Variants in LRRC75A observed in about 807,000 individuals in gnomAD.
The protein encoded by LRRC75A is leucine-rich repeat-containing protein 75A.
A neutral mutation model predicts 26.0 loss-of-function variants in LRRC75A; 12 were observed. That is an observed-to-expected ratio of 0.46 (90% CI 0.30 to 0.75). The LOEUF (loss-of-function observed/expected upper bound fraction) is 0.75. Ranked by LOEUF, LRRC75A falls within the 30% of genes least tolerant of loss-of-function variation. LRRC75A has a pLI of 0.08. For synonymous variants in LRRC75A, 223 were observed against 219.3 expected (o/e 1.02, Z -0.15); for missense variants, 410 against 486.6 (o/e 0.84, Z 1.48).
intron 3 of LRRC75A, among the ~76,000 whole-genome samples, chr17:16,444,459 G>A (rs1035643213): frequency 1.1e-4 from 17 of 152,158 alleles, no homozygotes; most frequent in African/African-American, 3.9e-4. Flanking sequence ...TATAGTAGGC[G>A]AGTGAGGAAT....
intron 2 of LRRC75A, 74 bp from the exon 3 acceptor site, chr17:16,448,034 T>C (rs1422737803): frequency 7.3e-7 from 1 of 1,365,196 alleles, no homozygotes; most frequent in South Asian, 1.2e-5. Flanking sequence ...GCTTCCTGTC[T>C]CCCGGGTAAG....
chr17:16,450,266 G>C (rs80048615), intron 2 of LRRC75A, among the ~76,000 whole-genome samples: 1,527 of 152,332 alleles, frequency 0.01, 29 homozygotes, highest in African/African-American at 0.035. Context: ...GGCAAGAGAA[G>C]GAGACTCTGA....
In LRRC75A at chr17:16,462,776, ATATT is replaced by A. The variant is rs1395145334; in HGVS notation, c.247-394_247-391del. ...TGCCTTGTGACAGGATGGTTTAATGATATTTATTTGTGTTTTCTTCCTGCTTCTG... is the reference window on the plus strand; with the variant it reads ...TGCCTTGTGACAGGATGGTTTAATGATATTTGTGTTTTCTTCCTGCTTCTG... On this transcript the variant is annotated intron_variant, in intron 1 of 3. Coordinates refer to ENST00000470794, the MANE Select transcript of LRRC75A (RefSeq NM_001113567.3). The surrounding 1 kb of genome is among the most constrained non-coding windows in gnomAD (Gnocchi z 4.6). 1 of 194,380 alleles carries A rather than the reference ATATT, an allele frequency of 5.1e-6. No homozygotes were observed. Among genetic ancestry groups the A allele is most frequent in the Admixed American group, 5.4e-5 (1 of 18,498 alleles). 12.0% of individuals were successfully genotyped at this position (194,380 alleles called of 1,614,324 possible).
rs551037453 is a variant in LRRC75A, at chr17:16,477,008, G to A, written c.247-14622C>T. Among the ~76,000 whole-genome samples, 15 of 152,126 alleles carry A rather than the reference G, an allele frequency of 9.9e-5. No homozygotes were observed. In the East Asian group the frequency reaches 1.7e-3, roughly 18 times the overall value. ...CCGCCTTGGCCTCCCAAAGTGCTGG[G>A]ATTACAGGCGTGAGCCACTGCGCCC... On this transcript the variant is annotated intron_variant, in intron 1 of 3. Transcript: ENST00000470794.
intron 1 of LRRC75A, among the ~76,000 whole-genome samples, chr17:16,486,381 C>T (rs957993528): frequency 3.9e-5 from 6 of 152,296 alleles, no homozygotes; most frequent in South Asian, 2.1e-4. Flanking sequence ...CCCCTGCGGT[C>T]GTGCTTAGCC....
chr17:16,491,942 CG>C lies in LRRC75A; in HGVS notation c.48del (p.Gly17AlafsTer75), dbSNP rs1478992934. On this transcript the variant is annotated frameshift_variant, in exon 1 of 4. Coordinates refer to ENST00000470794, the MANE Select transcript of LRRC75A (RefSeq NM_001113567.3). LOFTEE classifies it high-confidence loss of function. The surrounding 1 kb of genome is among the most constrained non-coding windows in gnomAD (Gnocchi z 5.9). ...TKGSLAERAS[P>X]GAAPGPRRER... is the part of the protein sequence containing the mutation. Reference sequence around the variant, plus strand: ...TCGCGTCGGGGGCCCGGCGCGGCGCCGGGGCTGGCTCTCTCCGCCAGGCTGC... The same window carrying C: ...TCGCGTCGGGGGCCCGGCGCGGCGCCGGGCTGGCTCTCTCCGCCAGGCTGC... 8.1e-7 allele frequency: 1 copy of C among 1,240,644 alleles called. No homozygotes were observed. The highest frequency in any genetic ancestry group is 1.0e-6 in the Non-Finnish European group (1 of 994,924). The allele number at this position is 1,240,644 out of a possible 1,614,324, so 76.9% of individuals were successfully genotyped here. A position where few individuals can be genotyped will look rare whatever the true frequency, so the allele number is the denominator to read the frequency against.
intron 2 of LRRC75A, among the ~76,000 whole-genome samples, chr17:16,455,222 C>T (rs570229374): frequency 1.3e-5 from 2 of 152,194 alleles, no homozygotes; most frequent in African/African-American, 2.4e-5. Flanking sequence ...TGTGAGCCAC[C>T]GTGCCTCACC....
At chr17:16,476,924 G>T (rs975663356) in intron 1 of LRRC75A, among the ~76,000 whole-genome samples, 2 of 151,798 alleles carry the variant, frequency 1.3e-5, no homozygotes, top group East Asian at 3.9e-4. Flanking sequence ...ATTTTTAGTA[G>T]AGACGGGGTT....
At chr17:16,479,462 G>A (rs774735768) in intron 1 of LRRC75A, among the ~76,000 whole-genome samples, 6 of 152,238 alleles carry the variant, frequency 3.9e-5, no homozygotes, top group Non-Finnish European at 8.8e-5. Context: ...GGCATGTACT[G>A]CACAAGGGTG....
Position 16,474,948 on chromosome 17 carries a change from G to T in LRRC75A, c.247-12562C>A, listed in dbSNP as rs117571397. Among the ~76,000 whole-genome samples, 218 of 149,960 alleles carry T rather than the reference G, an allele frequency of 1.5e-3. 5 individuals are homozygous for T. The East Asian group carries it at 0.022, about 15-fold the overall frequency. Reference sequence around the variant, plus strand: ...GCGGAGCTTGCAGTGAGCCAAGATTGTGCCACCGCTGCACTCCAGCCTGGG... The same window carrying T: ...GCGGAGCTTGCAGTGAGCCAAGATTTTGCCACCGCTGCACTCCAGCCTGGG... On this transcript the variant is annotated intron_variant, in intron 1 of 3. Transcript: ENST00000470794.
intron 1 of LRRC75A, among the ~76,000 whole-genome samples, chr17:16,476,923 A>T (rs2093821686): frequency 6.6e-6 from 1 of 151,810 alleles, no homozygotes; most frequent in Non-Finnish European, 1.5e-5. Context: ...TATTTTTAGT[A>T]GAGACGGGGT....
chr17:16,476,457 C>T (rs2093819912), intron 1 of LRRC75A, among the ~76,000 whole-genome samples: 1 of 152,038 alleles, frequency 6.6e-6, no homozygotes, highest in African/African-American at 2.4e-5. Context: ...AGCAATCCTC[C>T]CGCTGTGGCC....
intron 3 of LRRC75A, among the ~76,000 whole-genome samples, chr17:16,446,129 G>T (rs2093583103): frequency 6.6e-6 from 1 of 152,128 alleles, no homozygotes; most frequent in South Asian, 2.1e-4. Context: ...GGCTGGTCTT[G>T]AACTTCCTAC....
At chr17:16,468,344 G>A (rs559478789) in intron 1 of LRRC75A, among the ~76,000 whole-genome samples, 1 of 152,366 alleles carries the variant, frequency 6.6e-6, no homozygotes, top group Admixed American at 6.5e-5. Context: ...ACGGAGTGTG[G>A]TCTAGCCACG....
chr17:16,460,818 T>G (rs563752268), intron 2 of LRRC75A: 2 of 152,464 alleles, frequency 1.3e-5, no homozygotes, highest in South Asian at 4.1e-4. Context: ...CCATTGCTGC[T>G]CTAGGAAAGG....
chr17:16,487,905 A>G (rs540791980), intron 1 of LRRC75A, among the ~76,000 whole-genome samples: 1 of 152,326 alleles, frequency 6.6e-6, no homozygotes, highest in African/African-American at 2.4e-5. Flanking sequence ...GGTGTGCGCC[A>G]CACTTCGAGT....
intron 1 of LRRC75A, among the ~76,000 whole-genome samples, chr17:16,467,960 C>T (rs1281646974): frequency 6.6e-6 from 1 of 152,214 alleles, no homozygotes; most frequent in African/African-American, 2.4e-5. Flanking sequence ...CTCATTTCCA[C>T]CCTGAAAACC....
intron 1 of LRRC75A, among the ~76,000 whole-genome samples, chr17:16,485,946 G>A (rs1601205729): frequency 6.6e-6 from 1 of 152,172 alleles, no homozygotes; most frequent in South Asian, 2.1e-4. Context: ...CCACCCCACA[G>A]GTTACAGCGG....
At chr17:16,465,509 C>G (rs922054095) in intron 1 of LRRC75A, among the ~76,000 whole-genome samples, 10 of 152,178 alleles carry the variant, frequency 6.6e-5, no homozygotes, top group Non-Finnish European at 1.5e-4. Context: ...CAAAGCAGCT[C>G]CTGGTTACAA....
Sources: allele counts gnomAD v4.1 joint callset (sites outside exome capture counted in the v4.1 genomes callset), GRCh38; gene constraint gnomAD v4.1.1; non-coding constraint Gnocchi (gnomAD v3.1); transcripts MANE v1.5; gene names NCBI Gene and HGNC (gene_info 2026-07-23, HGNC 2026-07-21).